Variants in DNAH6 observed in about 807,000 individuals in gnomAD.
DNAH6 encodes dynein axonemal heavy chain 6, also known as axonemal beta dynein heavy chain 6.
A neutral mutation model predicts 491.4 loss-of-function variants in DNAH6; 340 were observed. The ratio of observed to expected loss-of-function variants is 0.69; its 90% confidence interval spans 0.63 to 0.76. DNAH6 has a LOEUF of 0.76. Ranked by LOEUF, DNAH6 falls within the 30% of genes least tolerant of loss-of-function variation. DNAH6 has a pLI of 0.00. For missense variants in DNAH6, 4,443 were observed against 4,972.2 expected (o/e 0.89, Z 3.20); for synonymous variants, 1,603 against 1,686.1 (o/e 0.95, Z 1.21).
intron 67 of DNAH6, 63 bp from the exon 68 acceptor site, chr2:84,787,101 G>A: frequency 7.8e-7 from 1 of 1,283,226 alleles, no homozygotes; most frequent in Non-Finnish European, 1.1e-6. Flanking sequence ...TTAGTTTCCA[G>A]TATTTTACAC....
intron 72 of DNAH6, 31 bp downstream of exon 72, chr2:84,808,573 G>A: frequency 1.3e-6 from 2 of 1,548,224 alleles, no homozygotes; most frequent in African/African-American, 1.4e-5. Context: ...CATTGCTATT[G>A]AGCATCAAAG....
chr2:84,743,694 C>T (rs1170979672), intron 62 of DNAH6, among the ~76,000 whole-genome samples: 1 of 152,058 alleles, frequency 6.6e-6, no homozygotes, highest in Non-Finnish European at 1.5e-5. Context: ...TGGTGGTGTG[C>T]ACCTGTAGTC....
the DNAH6 span, among the ~76,000 whole-genome samples, chr2:84,490,574 A>ATTTTTTTTTTTTTTTTTTTTTTTTT: frequency 3.9e-5 from 6 of 152,032 alleles, no homozygotes; most frequent in African/African-American, 1.4e-4. Flanking sequence ...TATATTATTT[A>ATTTTTTTTTTTTTTTTTTTTTTTTT]TTTTTAAGAT....
rs373569654 is a variant in DNAH6 at position 84,722,678 on chromosome 2, G to C, written c.9846G>C (p.Gln3282His). The stretch of plus-strand genomic sequence containing the variant: ...TGGAAGAAGCAGAGTCCACTGAGCA[G>C]ATGATCAATGTGGCTCGTGAGAAGT... ...TRLEEAESTEQMINVAREKYR... is the reference protein window; with the variant it reads ...TRLEEAESTEHMINVAREKYR... The change falls in exon 60 of 77, where the codon CAG becomes CAC. Residue 3282 changes from glutamine (Q) to histidine (H), a missense_variant. Gln to His is a conservative substitution (Grantham distance 24). Coordinates refer to ENST00000389394, the MANE Select transcript of DNAH6 (RefSeq NM_001370.2). 2.9e-5 allele frequency: 45 copies of C among 1,550,704 alleles called. No individual in the cohort carries two copies. The highest frequency in any genetic ancestry group is 3.6e-5 in the Non-Finnish European group (41 of 1,146,636).
chr2:84,630,154 A>G (rs115147504), intron 29 of DNAH6, among the ~76,000 whole-genome samples: 3,194 of 152,268 alleles, frequency 0.021, 106 homozygotes, highest in African/African-American at 0.073. Flanking sequence ...AAAAATTTTT[A>G]TAGAATAATC....
At chr2:84,582,429 A>T (rs1230249824) in intron 14 of DNAH6, among the ~76,000 whole-genome samples, 1 of 152,060 alleles carries the variant, frequency 6.6e-6, no homozygotes, top group Non-Finnish European at 1.5e-5. Context: ...CACTCTCGGG[A>T]GGGGCTCAGC....
At chr2:84,706,245 T>C (rs986052040) in intron 52 of DNAH6, among the ~76,000 whole-genome samples, 1 of 152,210 alleles carries the variant, frequency 6.6e-6, no homozygotes, top group Non-Finnish European at 1.5e-5. Flanking sequence ...ATAAATATTT[T>C]ATGCATTGCA....
intron 16 of DNAH6, among the ~76,000 whole-genome samples, chr2:84,590,927 G>T (rs534535963): frequency 6.6e-6 from 1 of 152,296 alleles, no homozygotes; most frequent in Non-Finnish European, 1.5e-5. Flanking sequence ...GGACAGGAAA[G>T]GTCCCCAGGT....
rs1424533859 is a variant in DNAH6 at position 84,579,812 on chromosome 2, G to T, written c.2229+133G>T. ...ATCAGAAACACTTTCAAAGTAAGTG[G>T]ATGTTCTACATCACAGGAATAAAGC... On this transcript the variant is annotated intron_variant, in intron 14 of 76. Coordinates refer to ENST00000389394, the MANE Select transcript of DNAH6 (RefSeq NM_001370.2). 7 of 742,938 alleles carry T rather than the reference G, an allele frequency of 9.4e-6. No individual in the cohort carries two copies. The East Asian group carries it at 2.0e-4, about 21-fold the overall frequency. The allele number at this position is 742,938 out of a possible 1,614,324, so 46.0% of individuals were successfully genotyped here. A position where few individuals can be genotyped will look rare whatever the true frequency, so the allele number is the denominator to read the frequency against.
intron 63 of DNAH6, among the ~76,000 whole-genome samples, chr2:84,746,658 G>A (rs1318024475): frequency 6.6e-6 from 1 of 152,206 alleles, no homozygotes; most frequent in African/African-American, 2.4e-5. Flanking sequence ...TTTGGGAGGT[G>A]TTGATGCTAT....
At chr2:84,506,172 C>T in the DNAH6 span, among the ~76,000 whole-genome samples, 1 of 152,190 alleles carries the variant, frequency 6.6e-6, no homozygotes, top group African/African-American at 2.4e-5. Flanking sequence ...TGCAGTCCCA[C>T]CAACAGTGTA....
intron 4 of DNAH6, among the ~76,000 whole-genome samples, chr2:84,542,347 C>A (rs769147816): frequency 6.6e-6 from 1 of 152,168 alleles, no homozygotes; most frequent in East Asian, 1.9e-4. Flanking sequence ...CTAATTATAT[C>A]TTTAGCTATT....
intron 37 of DNAH6, among the ~76,000 whole-genome samples, chr2:84,664,574 A>G (rs1466456514): frequency 1.3e-5 from 2 of 152,344 alleles, no homozygotes; most frequent in South Asian, 2.1e-4. Flanking sequence ...TGCACCCAAT[A>G]CAGGAGCACC....
At chr2:84,698,227 G>T (rs1402679040) in intron 47 of DNAH6, among the ~76,000 whole-genome samples, 1 of 151,986 alleles carries the variant, frequency 6.6e-6, no homozygotes, top group Non-Finnish European at 1.5e-5. Flanking sequence ...TTTTTTCCTT[G>T]TTTTTGCACC....
intron 60 of DNAH6, among the ~76,000 whole-genome samples, chr2:84,723,672 A>G (rs1245090424): frequency 2.6e-5 from 4 of 151,990 alleles, no homozygotes; most frequent in Non-Finnish European, 5.9e-5. Flanking sequence ...CCCTGCGCCC[A>G]CTTCTGACTT....
chr2:84,796,542 C>T, intron 69 of DNAH6, 117 bp downstream of exon 69: 1 of 786,928 alleles, frequency 1.3e-6, no homozygotes. Flanking sequence ...GTTATAGCCA[C>T]ACCCTATCCC....
chr2:84,657,892 A>G (rs1011903603), intron 35 of DNAH6, among the ~76,000 whole-genome samples: 2 of 152,026 alleles, frequency 1.3e-5, no homozygotes, highest in African/African-American at 2.4e-5. Flanking sequence ...TCACTTTTAA[A>G]TATTTGGAAA....
At position 84,680,668 on chromosome 2, in the gene DNAH6, G is replaced by A. The variant is rs146892149; in HGVS notation, c.6745-689G>A. 3.6e-3 allele frequency among the ~76,000 whole-genome samples: 545 copies of A among 152,094 alleles called. 3 individuals carry two copies. Among genetic ancestry groups the A allele is most frequent in the African/African-American group, 0.012 (504 of 41,466 alleles). ...GGGTGAAGTGAGGATGCTGGGGGAA[G>A]GGTGGACCAGCAGGGAGACCAGAAT... On this transcript the variant is annotated intron_variant, in intron 41 of 76. Transcript: ENST00000389394.
rs1348990189 is a variant in DNAH6 at position 84,816,010 on chromosome 2, T to C, written c.12300T>C (p.Tyr4100=). 6.4e-7 allele frequency: 1 copy of C among 1,551,828 alleles called. No homozygotes were observed. The highest frequency in any genetic ancestry group is 8.7e-7 in the Non-Finnish European group (1 of 1,147,018). Residue 4100 remains tyrosine, a synonymous_variant, in exon 76 of 77, where the codon TAT becomes TAC. Transcript: ENST00000389394. The part of the protein sequence containing the change: ...PVVHFEPQQN[Y]KPSPTLYHCP... ...TGCATTTTGAACCACAACAAAACTATAAGCCAAGCCCAACACTTTACCACT... is the reference window on the plus strand; with the variant it reads ...TGCATTTTGAACCACAACAAAACTACAAGCCAAGCCCAACACTTTACCACT...
Sources: allele counts gnomAD v4.1 joint callset (sites outside exome capture counted in the v4.1 genomes callset), GRCh38; gene constraint gnomAD v4.1.1; transcripts MANE v1.5; gene names NCBI Gene and HGNC (gene_info 2026-07-23, HGNC 2026-07-21).